Variants in CSMD1 observed in about 807,000 individuals in gnomAD.
CSMD1 encodes the protein CUB and sushi domain-containing protein 1.
In CSMD1, 213 loss-of-function variants were observed where a neutral mutation model predicts 417.5. That is an observed-to-expected ratio of 0.51 (90% CI 0.46 to 0.57). The LOEUF is 0.57. Ranked by LOEUF, CSMD1 falls within the 20% of genes least tolerant of loss-of-function variation. CSMD1 has a pLI of 0.00. For missense variants in CSMD1, 6,923 were observed against 4,529.7 expected, an observed-to-expected ratio of 1.53 and a Z score of -15.17; for synonymous variants, 2,862 against 1,736.8, an observed-to-expected ratio of 1.65 and a Z score of -16.11.
At chr8:4,970,747 T>C (rs1164890347) in intron 1 of CSMD1, among the ~76,000 whole-genome samples, 1 of 152,142 alleles carries the variant, frequency 6.6e-6, no homozygotes, top group Non-Finnish European at 1.5e-5. Flanking sequence ...CTGCCGTGGT[T>C]CTTTTTTTGA....
chr8:3,173,238 A>G (rs1820692926), intron 37 of CSMD1, among the ~76,000 whole-genome samples: 1 of 152,180 alleles, frequency 6.6e-6, no homozygotes, highest in African/African-American at 2.4e-5. Context: ...TTTGTGTTAC[A>G]CTCAACACAC....
chr8:3,136,274 C>G (rs1200882561), intron 41 of CSMD1, among the ~76,000 whole-genome samples: 1 of 150,030 alleles, frequency 6.7e-6, no homozygotes. Context: ...TTTTGCCCCC[C>G]GAGATAGAGT....
chr8:4,616,199 T>C (rs527920360), intron 2 of CSMD1, among the ~76,000 whole-genome samples: 2 of 152,312 alleles, frequency 1.3e-5, no homozygotes, highest in South Asian at 2.1e-4. Flanking sequence ...GTTTTCTTTT[T>C]TGAAGTTCCG....
chr8:3,520,214 A>G (rs764565386), intron 10 of CSMD1, among the ~76,000 whole-genome samples: 15 of 152,060 alleles, frequency 9.9e-5, no homozygotes, highest in Non-Finnish European at 2.1e-4. Flanking sequence ...AGTACTTCAT[A>G]ACTATATGTA....
rs749178534 is a variant in CSMD1, at chr8:3,187,862, A to G, written c.5620+7T>C. ...TCACACAGGTGAGGAAATTGACTCC[A>G]TCTTACCTGAGAAGCTTCCCAGTCT... On this transcript the variant is annotated splice_region_variant and intron_variant, in intron 36 of 69. Transcript: ENST00000635120. The G allele has an allele frequency of 6.8e-6, 11 of 1,610,022 alleles. No individual in the cohort carries two copies. Among genetic ancestry groups the G allele is most frequent in the African/African-American group, 1.3e-5 (1 of 74,766 alleles).
intron 1 of CSMD1, among the ~76,000 whole-genome samples, chr8:4,980,515 C>T (rs541266387): frequency 6.6e-6 from 1 of 152,228 alleles, no homozygotes; most frequent in East Asian, 1.9e-4. Flanking sequence ...ATTCCTTAGA[C>T]TGAGCTCTGC....
chr8:3,888,035 C>T lies in CSMD1; in HGVS notation c.818+109868G>A, dbSNP rs569827437. ...ACTTCTGGCAGAGAAATTAATTAAA[C>T]GTACAAAAGATATTGGAAAATACTG... On this transcript the variant is annotated intron_variant, in intron 5 of 69. Coordinates refer to ENST00000635120, the MANE Select transcript of CSMD1 (RefSeq NM_033225.6). Among the ~76,000 whole-genome samples the T allele has an allele frequency of 7.0e-4, 106 of 152,204 alleles. 2 individuals carry two copies. The highest frequency in any genetic ancestry group is 4.5e-3 in the Admixed American group (69 of 15,276).
intron 1 of CSMD1, among the ~76,000 whole-genome samples, chr8:4,640,550 A>G (rs1013075547): frequency 1.3e-5 from 2 of 152,222 alleles, no homozygotes; most frequent in African/African-American, 4.8e-5. Context: ...CTTGCCTACT[A>G]TAGAGTATGC....
At position 2,972,129 on chromosome 8, in the gene CSMD1, A is replaced by G. The variant is rs914883516; in HGVS notation, c.8923+988T>C. Among the ~76,000 whole-genome samples, 4 of 152,094 alleles carry G rather than the reference A, an allele frequency of 2.6e-5. No homozygotes were observed. The East Asian group carries it at 5.8e-4, about 22-fold the overall frequency. On this transcript the variant is annotated intron_variant, in intron 57 of 69. Transcript: ENST00000635120. ...ATTTTATATGTGAAATTAATGTTACATAGATTATATAATATAGATAGATCA... is the reference window on the plus strand; with the variant it reads ...ATTTTATATGTGAAATTAATGTTACGTAGATTATATAATATAGATAGATCA...
chr8:4,020,172 T>A (rs1311823068), intron 4 of CSMD1, among the ~76,000 whole-genome samples: 2 of 152,130 alleles, frequency 1.3e-5, no homozygotes, highest in Non-Finnish European at 2.9e-5. Flanking sequence ...ACAACAGATT[T>A]CTCAAGTAGG....
At chr8:4,912,427 A>G (rs1476958656) in intron 1 of CSMD1, among the ~76,000 whole-genome samples, 2 of 151,780 alleles carry the variant, frequency 1.3e-5, no homozygotes, top group Non-Finnish European at 2.9e-5. Context: ...GCCATTGCAG[A>G]AAGGCTGGAC....
intron 9 of CSMD1, among the ~76,000 whole-genome samples, chr8:3,584,292 C>A (rs377733454): frequency 2.0e-5 from 3 of 152,164 alleles, no homozygotes; most frequent in Non-Finnish European, 4.4e-5. Flanking sequence ...AGAGTCTTGG[C>A]GATTACTAGT....
At chr8:4,566,455 C>A (rs1161003928) in intron 2 of CSMD1, among the ~76,000 whole-genome samples, 1 of 151,534 alleles carries the variant, frequency 6.6e-6, no homozygotes, top group Admixed American at 6.6e-5. Flanking sequence ...AGAACGAGAC[C>A]ATCCTGGCTA....
chr8:4,476,003 C>T lies in CSMD1; in HGVS notation c.303-55938G>A, dbSNP rs149297828. Reference sequence around the variant, plus strand: ...TTGCACAGTCATATCTTTCATTTTCCGTAATTAATCAGCAGACAAAAGCAA... The same window carrying T: ...TTGCACAGTCATATCTTTCATTTTCTGTAATTAATCAGCAGACAAAAGCAA... On this transcript the variant is annotated intron_variant, in intron 2 of 69. Coordinates refer to ENST00000635120, the MANE Select transcript of CSMD1 (RefSeq NM_033225.6). 4.0e-5 allele frequency among the ~76,000 whole-genome samples: 6 copies of T among 151,866 alleles called. No homozygotes were observed. The East Asian group carries it at 9.7e-4, about 24-fold the overall frequency.
intron 3 of CSMD1, among the ~76,000 whole-genome samples, chr8:4,359,655 G>C (rs62479478): frequency 1.4e-3 from 207 of 152,174 alleles, no homozygotes; most frequent in Non-Finnish European, 2.3e-3. Context: ...TTGCAAATGT[G>C]TGTGGTTGAT....
intron 3 of CSMD1, among the ~76,000 whole-genome samples, chr8:4,235,178 G>A (rs1347852847): frequency 2.0e-5 from 3 of 152,068 alleles, no homozygotes; most frequent in African/African-American, 7.2e-5. Flanking sequence ...ATCTTTCAGA[G>A]GCATCTCTCT....
intron 10 of CSMD1, among the ~76,000 whole-genome samples, chr8:3,499,743 G>C (rs867706555): frequency 2.6e-5 from 4 of 152,024 alleles, no homozygotes; most frequent in Non-Finnish European, 4.4e-5. Context: ...ACTGAGTGCA[G>C]CTGGGGTCAT....
chr8:3,920,228 T>C (rs1809137499), intron 5 of CSMD1, among the ~76,000 whole-genome samples: 1 of 151,958 alleles, frequency 6.6e-6, no homozygotes, highest in African/African-American at 2.4e-5. Context: ...AAAGACAGGG[T>C]CTCACCATGT....
rs200617521 is a variant in CSMD1 at position 4,822,943 on chromosome 8, C to T, written c.85+171389G>A. Among the ~76,000 whole-genome samples the T allele has an allele frequency of 5.3e-4, 81 of 152,158 alleles. No individual in the cohort carries two copies. In the East Asian group the frequency reaches 0.013, roughly 24 times the overall value. ...TAATATTTTGTTTTGATAATTTATT[C>T]GGACTTTGCCTCTGATGATCCCATC... On this transcript the variant is annotated intron_variant, in intron 1 of 69. Coordinates refer to ENST00000635120, the MANE Select transcript of CSMD1 (RefSeq NM_033225.6).
Sources: gnomAD v4.1 joint callset for allele counts (sites outside exome capture counted in the v4.1 genomes callset) on GRCh38, gnomAD v4.1.1 for gene constraint, MANE v1.5 for transcripts, NCBI Gene and HGNC (gene_info 2026-07-23, HGNC 2026-07-21) for gene names.